ADAM12: variants seen among roughly 807,000 people sequenced by gnomAD.
ADAM12 encodes disintegrin and metalloproteinase domain-containing protein 12.
A neutral mutation model predicts 106.4 loss-of-function variants in ADAM12; 70 were observed. The observed-to-expected ratio is 0.66, with a 90% CI of 0.54 to 0.80. The LOEUF is 0.80. ADAM12 is among the 30% of genes least tolerant of loss of function. The pLI, the probability that ADAM12 is intolerant of heterozygous loss-of-function variation, is 0.00. For missense variants in ADAM12, 1,010 were observed against 1,171.9 expected (o/e 0.86, Z 2.02); for synonymous variants, 420 against 433.5 (o/e 0.97, Z 0.39).
At chr10:126,369,298 A>T (rs545528846) in intron 1 of ADAM12, among the ~76,000 whole-genome samples, 2 of 152,380 alleles carry the variant, frequency 1.3e-5, no homozygotes, top group South Asian at 4.1e-4. Flanking sequence ...GTGATGTGCT[A>T]GGCACGGGGG....
At chr10:126,332,001 C>A (rs758982309) in intron 1 of ADAM12, among the ~76,000 whole-genome samples, 2 of 152,192 alleles carry the variant, frequency 1.3e-5, no homozygotes, top group African/African-American at 2.4e-5. Context: ...TCTCCCTCCT[C>A]CTGTCGCTTG....
intron 1 of ADAM12, among the ~76,000 whole-genome samples, chr10:126,366,827 A>G (rs1367563739): frequency 6.6e-6 from 1 of 152,166 alleles, no homozygotes; most frequent in East Asian, 1.9e-4. Context: ...TTACTACCAG[A>G]GATAAAGAGG....
intron 3 of ADAM12, among the ~76,000 whole-genome samples, chr10:126,265,759 G>T (rs1959085542): frequency 6.6e-6 from 1 of 152,132 alleles, no homozygotes; most frequent in Admixed American, 6.5e-5. Context: ...AGGACTGCAA[G>T]ATTTTAATTG....
intron 2 of ADAM12, among the ~76,000 whole-genome samples, chr10:126,303,837 G>A (rs895225988): frequency 6.6e-6 from 1 of 152,116 alleles, no homozygotes; most frequent in East Asian, 1.9e-4. Flanking sequence ...CACCAAATTG[G>A]CTGGTTCACA....
At chr10:126,317,423 G>A (rs2133827519) in intron 2 of ADAM12, among the ~76,000 whole-genome samples, 1 of 152,322 alleles carries the variant, frequency 6.6e-6, no homozygotes, top group African/African-American at 2.4e-5. Flanking sequence ...TAGTACCTCT[G>A]CTGAGTAAAA....
At chr10:126,328,655 G>T (rs138573801) in intron 2 of ADAM12, among the ~76,000 whole-genome samples, 7 of 152,284 alleles carry the variant, frequency 4.6e-5, no homozygotes, top group African/African-American at 1.7e-4. Flanking sequence ...GTTGAGATGA[G>T]CCCACTGGCA....
chr10:126,205,005 C>T lies in ADAM12; in HGVS notation c.261-49700G>A, dbSNP rs113649450. Among the ~76,000 whole-genome samples, 898 of 152,270 alleles carry T rather than the reference C, an allele frequency of 5.9e-3. 8 individuals are homozygous for T. Among genetic ancestry groups the T allele is most frequent in the Middle Eastern group, 0.031 (9 of 294 alleles). On this transcript the variant is annotated intron_variant, in intron 3 of 22. Transcript: ENST00000448723. ...GATTGGCTCGGGGCTAGGCACCTGA[C>T]GGAAGCCAGGCCATTTGGACACCAC...
At chr10:126,122,569 C>T (rs1047169992) in intron 5 of ADAM12, among the ~76,000 whole-genome samples, 1 of 152,056 alleles carries the variant, frequency 6.6e-6, no homozygotes, top group Non-Finnish European at 1.5e-5. Flanking sequence ...CAAGACCAGC[C>T]GGACAACATG....
chr10:126,077,531 G>T (rs1469289620), intron 11 of ADAM12, among the ~76,000 whole-genome samples: 4 of 152,046 alleles, frequency 2.6e-5, no homozygotes, highest in Admixed American at 6.6e-5. Flanking sequence ...GCATGGTAGT[G>T]GTACAAAAAC....
At chr10:126,204,426 A>C (rs565668348) in intron 3 of ADAM12, among the ~76,000 whole-genome samples, 35 of 152,318 alleles carry the variant, frequency 2.3e-4, no homozygotes, top group Non-Finnish European at 4.1e-4. Context: ...CTCACCTAGC[A>C]GTGCCACCTC....
intron 3 of ADAM12, among the ~76,000 whole-genome samples, chr10:126,271,311 T>C (rs368086193): frequency 3.3e-5 from 5 of 152,234 alleles, no homozygotes; most frequent in East Asian, 1.9e-4. Flanking sequence ...TCATTCATCA[T>C]GTTCTGTCCA....
intron 2 of ADAM12, among the ~76,000 whole-genome samples, chr10:126,308,689 T>C (rs1441892873): frequency 6.6e-6 from 1 of 152,228 alleles, no homozygotes; most frequent in Non-Finnish European, 1.5e-5. Flanking sequence ...AACTATATCT[T>C]AGAAGTTTAA....
At chr10:126,324,185 G>C (rs886316878) in intron 2 of ADAM12, among the ~76,000 whole-genome samples, 6 of 152,244 alleles carry the variant, frequency 3.9e-5, no homozygotes, top group African/African-American at 1.4e-4. Context: ...AACTTATAAA[G>C]ACAAAGGTAT....
intron 3 of ADAM12, among the ~76,000 whole-genome samples, chr10:126,201,328 G>A (rs1040608905): frequency 2.0e-5 from 3 of 152,178 alleles, no homozygotes; most frequent in Admixed American, 1.3e-4. Flanking sequence ...CAGGCACGCA[G>A]AGAGGAGGCT....
Position 126,388,376 on chromosome 10 carries a change from C to G in ADAM12, c.-231G>C, listed in dbSNP as rs898386939. On this transcript the variant is annotated 5_prime_UTR_variant, in exon 1 of 23. Transcript: ENST00000448723. This position sits in a 1 kb window ranked among gnomAD's most constrained non-coding sequence, Gnocchi z 4.4. ...CGTGCGTGCGCGCGCGCGCGCCGTT[C>G]TGGCACAAGCCAGCCTTGACCGTTG... is the stretch of plus-strand genomic sequence containing the variant. 6.7e-6 allele frequency: 3 copies of G among 450,106 alleles called. No homozygotes were observed. The highest frequency in any genetic ancestry group is 1.0e-5 in the Non-Finnish European group (3 of 294,652). 27.9% of individuals were successfully genotyped at this position (450,106 alleles called of 1,614,324 possible). A position where few individuals can be genotyped will look rare whatever the true frequency, so the allele number is the denominator to read the frequency against.
chr10:126,162,959 G>A (rs1005235376), intron 3 of ADAM12, among the ~76,000 whole-genome samples: 3 of 152,082 alleles, frequency 2.0e-5, no homozygotes, highest in Non-Finnish European at 2.9e-5. Context: ...TGCTGTCTTC[G>A]TAAGAATGAG....
chr10:126,088,441 C>G (rs953228483), intron 11 of ADAM12, among the ~76,000 whole-genome samples: 1 of 151,994 alleles, frequency 6.6e-6, no homozygotes, highest in African/African-American at 2.4e-5. Context: ...TCACTTACAC[C>G]TGCATTCCTA....
intron 1 of ADAM12, among the ~76,000 whole-genome samples, chr10:126,378,693 T>C (rs552093260): frequency 3.3e-5 from 5 of 152,352 alleles, no homozygotes; most frequent in African/African-American, 1.2e-4. Context: ...AATATATCTT[T>C]AACATTTTAC....
intron 7 of ADAM12, among the ~76,000 whole-genome samples, chr10:126,108,865 CA>C (rs1955821378): frequency 6.6e-6 from 1 of 152,196 alleles, no homozygotes; most frequent in Admixed American, 6.5e-5. Flanking sequence ...TTGCCTAAGC[CA>C]AGTGCTCTCA....
Sources: gnomAD v4.1 joint callset for allele counts (sites outside exome capture counted in the v4.1 genomes callset) on GRCh38, gnomAD v4.1.1 for gene constraint, Gnocchi (gnomAD v3.1) non-coding constraint, MANE v1.5 for transcripts, NCBI Gene and HGNC (gene_info 2026-07-23, HGNC 2026-07-21) for gene names.